Variants in KCNJ1 observed in about 807,000 individuals in gnomAD.
The protein encoded by KCNJ1 is ATP-sensitive inward rectifier potassium channel 1.
In KCNJ1, 24 loss-of-function variants were observed where a neutral mutation model predicts 21.9. The observed-to-expected ratio is 1.10, with a 90% confidence interval of 0.79 to 1.54. The LOEUF is 1.54. Ranked by LOEUF, KCNJ1 falls within the 40% of genes most tolerant of loss-of-function variation. The pLI is 0.00. For missense variants in KCNJ1, 457 were observed against 455.4 expected (o/e 1.00, Z -0.03); for synonymous variants, 152 against 160.9 (o/e 0.94, Z 0.42).
chr11:128,859,478 G>T (rs1399473888), intron 1 of KCNJ1, among the ~76,000 whole-genome samples: 1 of 152,086 alleles, frequency 6.6e-6, no homozygotes, highest in African/African-American at 2.4e-5. Flanking sequence ...TGAACTCCTG[G>T]CCTCCAGCAA....
intron 1 of KCNJ1, among the ~76,000 whole-genome samples, chr11:128,855,391 A>G (rs1028893242): frequency 2.6e-5 from 4 of 152,138 alleles, no homozygotes; most frequent in Admixed American, 1.3e-4. Flanking sequence ...CCCTCTAGGA[A>G]TTGTGATGAG....
intron 1 of KCNJ1, among the ~76,000 whole-genome samples, chr11:128,861,091 T>C (rs982883295): frequency 3.3e-5 from 5 of 152,204 alleles, no homozygotes; most frequent in African/African-American, 1.2e-4. Flanking sequence ...GCATCTGCTC[T>C]CCAGTCACTG....
intron 1 of KCNJ1, among the ~76,000 whole-genome samples, chr11:128,862,110 C>G (rs1943725852): frequency 6.6e-6 from 1 of 152,176 alleles, no homozygotes; most frequent in Admixed American, 6.5e-5. Flanking sequence ...CACCCCTTTC[C>G]CCACTGCCAC....
At chr11:128,841,031 T>C (rs1943273543) in intron 2 of KCNJ1, among the ~76,000 whole-genome samples, 1 of 152,200 alleles carries the variant, frequency 6.6e-6, no homozygotes, top group African/African-American at 2.4e-5. Flanking sequence ...GTATTGGTCA[T>C]ATTTCTTTTT....
chr11:128,840,414 A>G, intron 2 of KCNJ1, 150 bp from the exon 3 acceptor site: 1 of 748,328 alleles, frequency 1.3e-6, no homozygotes, highest in South Asian at 1.7e-5. Context: ...TATTCTGGAT[A>G]CCACAATGCT....
intron 1 of KCNJ1, among the ~76,000 whole-genome samples, chr11:128,864,349 G>A (rs1389877967): frequency 6.6e-6 from 1 of 151,950 alleles, no homozygotes; most frequent in Non-Finnish European, 1.5e-5. Context: ...AAAGTGCTGG[G>A]ATTACAGGTG....
At position 128,839,208 on chromosome 11, in the gene KCNJ1, C is replaced by T. The variant is rs781493943; in HGVS notation, c.1036G>A (p.Val346Ile). 5 of 1,614,082 alleles carry T rather than the reference C, an allele frequency of 3.1e-6. No homozygotes were observed. The African/African-American group carries it at 5.3e-5, about 17-fold the overall frequency. ...CAMCLYNEKD[V>I]RARMKRGYDN... is the part of the protein sequence containing the mutation. ...TAGCCTCTCTTCATCCTGGCTCTAA[C>T]ATCTTTCTCATTATAAAGGCACATG... Residue 346 changes from valine to isoleucine, a missense_variant, in exon 3 of 3, where the codon GTT becomes ATT. By Grantham distance (29) the Val-to-Ile change is conservative. Transcript: ENST00000392666.
chr11:128,848,558 A>C (rs1323902790), intron 2 of KCNJ1, among the ~76,000 whole-genome samples: 8 of 152,150 alleles, frequency 5.3e-5, no homozygotes, highest in Non-Finnish European at 1.2e-4. Context: ...CAGAAATGCT[A>C]GCATGTCTCA....
At chr11:128,852,710 G>T (rs1020485876) in intron 1 of KCNJ1, among the ~76,000 whole-genome samples, 4 of 152,268 alleles carry the variant, frequency 2.6e-5, no homozygotes, top group African/African-American at 9.6e-5. Context: ...ACCGGGCACA[G>T]CCCACCCAGG....
rs1488422757 is a variant in KCNJ1 at position 128,859,872 on chromosome 11, TAGAA to T, written c.-192+7297_-192+7300del. Among the ~76,000 whole-genome samples, 9 of 152,146 alleles carry T rather than the reference TAGAA, an allele frequency of 5.9e-5. No homozygotes were observed. The East Asian group carries it at 1.7e-3, about 29-fold the overall frequency. Reference sequence around the variant, plus strand: ...GTAATTATAGATTGTGATAAGGACTTAGAAAGAAACAGTAACTAGAAGTGACCTT... The same window carrying T: ...GTAATTATAGATTGTGATAAGGACTTAGAAACAGTAACTAGAAGTGACCTT... On this transcript the variant is annotated intron_variant, in intron 1 of 2. Transcript: ENST00000392666.
chr11:128,853,914 G>A (rs1430686709), intron 1 of KCNJ1, among the ~76,000 whole-genome samples: 1 of 152,214 alleles, frequency 6.6e-6, no homozygotes. Context: ...CACCCTCACT[G>A]CTAAACAGAA....
In KCNJ1 at chr11:128,839,709, C is replaced by A. The variant is rs104894253; in HGVS notation, c.535G>T (p.Ala179Ser). ...TTCCCTCCCCGTTTGCTGATCACTG[C>A]GTTCTTGCTGAACGTAATGGTCTTG... ...RAKTITFSKN[A>S]VISKRGGKLC... The change falls in exon 3 of 3, where the codon GCA becomes TCA. Residue 179 changes from alanine (A) to serine (S), a missense_variant. Transcript: ENST00000392666. 6 of 1,613,354 alleles carry A rather than the reference C, an allele frequency of 3.7e-6. No individual in the cohort carries two copies. Among genetic ancestry groups the A allele is most frequent in the South Asian group, 2.2e-5 (2 of 91,076 alleles).
At chr11:128,850,031 C>T (rs1474948656) in intron 2 of KCNJ1, among the ~76,000 whole-genome samples, 1 of 152,054 alleles carries the variant, frequency 6.6e-6, no homozygotes, top group Non-Finnish European at 1.5e-5. Context: ...GTCCAGGAAG[C>T]AGACTGGGAA....
chr11:128,862,663 T>C (rs1179145960), intron 1 of KCNJ1, among the ~76,000 whole-genome samples: 4 of 152,206 alleles, frequency 2.6e-5, no homozygotes, highest in African/African-American at 9.7e-5. Context: ...TTCTGCAGCA[T>C]AGGGACTGTG....
chr11:128,860,534 G>C (rs939469243), intron 1 of KCNJ1, among the ~76,000 whole-genome samples: 1 of 152,228 alleles, frequency 6.6e-6, no homozygotes. Flanking sequence ...CACTAAGTCA[G>C]AGATTCCAGA....
chr11:128,866,397 C>T, intron 1 of KCNJ1: 2 of 187,684 alleles, frequency 1.1e-5, no homozygotes, highest in Non-Finnish European at 2.0e-5. Flanking sequence ...ATTTTGTAAG[C>T]CCAGCTAAAA....
intron 1 of KCNJ1, among the ~76,000 whole-genome samples, chr11:128,862,271 C>A (rs1231250): frequency 2.0e-5 from 3 of 152,160 alleles, no homozygotes; most frequent in Non-Finnish European, 4.4e-5. Flanking sequence ...CAGCCTCCGT[C>A]CCCAGCAGAC....
At chr11:128,851,400 CA>C (rs1284971885) in intron 1 of KCNJ1, among the ~76,000 whole-genome samples, 1 of 152,102 alleles carries the variant, frequency 6.6e-6, no homozygotes, top group Non-Finnish European at 1.5e-5. Context: ...ATAATTTTTG[CA>C]AATCAAATAA....
At chr11:128,854,312 T>G (rs1943541394) in intron 1 of KCNJ1, among the ~76,000 whole-genome samples, 1 of 152,186 alleles carries the variant, frequency 6.6e-6, no homozygotes, top group Admixed American at 6.5e-5. Flanking sequence ...TTTGAGCATT[T>G]TATTCCTTGC....
Sources: gnomAD v4.1 joint callset for allele counts (sites outside exome capture counted in the v4.1 genomes callset) on GRCh38, gnomAD v4.1.1 for gene constraint, MANE v1.5 for transcripts, NCBI Gene and HGNC (gene_info 2026-07-23, HGNC 2026-07-21) for gene names.